The following GOSR1 variants were observed in gnomAD, a reference collection of about 807,000 sequenced individuals.
The protein encoded by GOSR1 is golgi SNAP receptor complex member 1.
A neutral mutation model predicts 35.5 loss-of-function variants in GOSR1; 21 were observed. That is an observed-to-expected ratio of 0.59 (90% CI 0.42 to 0.85). The LOEUF (loss-of-function observed/expected upper bound fraction) is 0.85, where lower values mean the gene tolerates loss of function less well. Among genes scored for constraint, GOSR1 ranks in the 40% least tolerant of loss-of-function variants. The pLI is 0.00. For synonymous variants in GOSR1, 94 were observed against 106.6 expected, an observed-to-expected ratio of 0.88 and a Z score of 0.73; for missense variants, 285 against 309.6, an observed-to-expected ratio of 0.92 and a Z score of 0.60.
At chr17:30,487,175 A>G (rs1254184046) in intron 4 of GOSR1, among the ~76,000 whole-genome samples, 2 of 152,222 alleles carry the variant, frequency 1.3e-5, no homozygotes, top group African/African-American at 2.4e-5. Flanking sequence ...GGAAATTTTT[A>G]GTTTCTGATA....
chr17:30,486,552 G>C, intron 4 of GOSR1, among the ~76,000 whole-genome samples: 1 of 151,332 alleles, frequency 6.6e-6, no homozygotes, highest in Non-Finnish European at 1.5e-5. Context: ...ATATTGGAAA[G>C]GAAGAGGCAA....
intron 2 of GOSR1, chr17:30,483,144 T>TA (rs1555613019): frequency 6.7e-6 from 1 of 148,642 alleles, no homozygotes; most frequent in Non-Finnish European, 1.5e-5. Context: ...TTTTTTTTTT[T>TA]AACTTTCTGT....
chr17:30,506,330 C>T (rs1967401841), intron 6 of GOSR1, among the ~76,000 whole-genome samples: 1 of 152,200 alleles, frequency 6.6e-6, no homozygotes, highest in Non-Finnish European at 1.5e-5. Context: ...ATTAAAAGTG[C>T]CACTCCAGTG....
rs1177401017 is a variant in GOSR1 at position 30,525,665 on chromosome 17, G to T, written c.*3287G>T. On this transcript the variant is annotated 3_prime_UTR_variant, in exon 9 of 9. Coordinates refer to ENST00000451249, the MANE Select transcript of GOSR1 (RefSeq NM_001007025.2). ...TCTTTTTTACTGGTCTGATTCTTTT[G>T]TGCATTCATTAAAGCTGATTGTGTG... is the stretch of plus-strand genomic sequence containing the variant. The T allele has an allele frequency of 6.6e-6, 1 of 152,004 alleles. No homozygotes were observed. Among genetic ancestry groups the T allele is most frequent in the Non-Finnish European group, 1.5e-5 (1 of 67,996 alleles). The allele number at this position is 152,004 out of a possible 1,614,324, so 9.4% of individuals were successfully genotyped here.
intron 8 of GOSR1, 183 bp downstream of exon 8, chr17:30,520,204 A>G (rs763897033): frequency 3.1e-5 from 15 of 477,794 alleles, no homozygotes; most frequent in South Asian, 5.0e-5. Context: ...ACCATTCCTA[A>G]AAGACTGCAC....
intron 7 of GOSR1, among the ~76,000 whole-genome samples, chr17:30,516,188 C>G (rs868304674): frequency 3.4e-4 from 51 of 152,178 alleles, no homozygotes; most frequent in South Asian, 4.1e-4. Context: ...AAGAAAAAGT[C>G]AGCCGGGCGC....
chr17:30,498,104 T>C (rs914098443), intron 6 of GOSR1, among the ~76,000 whole-genome samples: 3 of 151,612 alleles, frequency 2.0e-5, no homozygotes, highest in African/African-American at 7.2e-5. Context: ...CTCTTATTAG[T>C]CATTAGTCTT....
chr17:30,493,178 G>A (rs1597773370), intron 6 of GOSR1, among the ~76,000 whole-genome samples: 1 of 151,826 alleles, frequency 6.6e-6, no homozygotes, highest in African/African-American at 2.4e-5. Context: ...TGTATTTTTG[G>A]TAAAGATGGA....
chr17:30,482,122 C>G (rs1393609987), intron 2 of GOSR1, among the ~76,000 whole-genome samples: 1 of 152,080 alleles, frequency 6.6e-6, no homozygotes, highest in Non-Finnish European at 1.5e-5. Context: ...CTTTCTCCCA[C>G]CCCATAATCC....
At chr17:30,498,283 T>C (rs550439105) in intron 6 of GOSR1, among the ~76,000 whole-genome samples, 1 of 152,214 alleles carries the variant, frequency 6.6e-6, no homozygotes, top group Admixed American at 6.5e-5. Flanking sequence ...TTGTTGAGCA[T>C]CTATGATGTG....
rs1335192756 is a variant in GOSR1, at chr17:30,527,569, G to A, written c.*5191G>A. The A allele has an allele frequency of 6.6e-6, 1 of 151,072 alleles. No individual in the cohort carries two copies. The highest frequency in any genetic ancestry group is 6.6e-5 in the Admixed American group (1 of 15,232). The allele number at this position is 151,072 out of a possible 1,614,324, so 9.4% of individuals were successfully genotyped here. A position where few individuals can be genotyped will look rare whatever the true frequency, so the allele number is the denominator to read the frequency against. ...CTCATAAGCATCTCAGCAAAGCCAGGGGTACAGGGCTCACCTGACATAAGA... is the reference window on the plus strand; with the variant it reads ...CTCATAAGCATCTCAGCAAAGCCAGAGGTACAGGGCTCACCTGACATAAGA... On this transcript the variant is annotated 3_prime_UTR_variant, in exon 9 of 9. Transcript: ENST00000451249.
chr17:30,498,751 C>T lies in GOSR1; in HGVS notation c.509+5998C>T, dbSNP rs186548605. Among the ~76,000 whole-genome samples, 20 of 152,262 alleles carry T rather than the reference C, an allele frequency of 1.3e-4. No homozygotes were observed. The East Asian group carries it at 3.7e-3, about 28-fold the overall frequency. On this transcript the variant is annotated intron_variant, in intron 6 of 8. Coordinates refer to ENST00000451249, the MANE Select transcript of GOSR1 (RefSeq NM_001007025.2). ...CCAGGTTATAGGTCTCACTCTGGCACCTGAAGAGGACACACTGGGCAAAAG... is the reference window on the plus strand; with the variant it reads ...CCAGGTTATAGGTCTCACTCTGGCATCTGAAGAGGACACACTGGGCAAAAG...
chr17:30,484,816 GTT>G (rs371433527), intron 4 of GOSR1, 46 bp downstream of exon 4: 462 of 814,498 alleles, frequency 5.7e-4, no homozygotes, highest in Non-Finnish European at 6.4e-4. Context: ...AGGAGTTTGG[GTT>G]TTTTTTTTTT....
At chr17:30,499,591 T>C (rs1277007248) in intron 6 of GOSR1, among the ~76,000 whole-genome samples, 2 of 152,248 alleles carry the variant, frequency 1.3e-5, no homozygotes, top group Non-Finnish European at 2.9e-5. Flanking sequence ...TCCACCCGCC[T>C]TGGCCTCCCA....
chr17:30,488,808 G>A (rs1163464875), intron 4 of GOSR1, among the ~76,000 whole-genome samples: 2 of 152,102 alleles, frequency 1.3e-5, no homozygotes, highest in Non-Finnish European at 2.9e-5. Flanking sequence ...AAAGTGCTGG[G>A]ATTACAGGCA....
rs758404251 is a variant in GOSR1 at position 30,492,792 on chromosome 17, G to A, written c.509+39G>A. ...GTATGTGCATTATGTGGTTTTCCAC[G>A]TTTATTAATTCATTTACTTATGTAA... On this transcript the variant is annotated intron_variant, in intron 6 of 8. Coordinates refer to ENST00000451249, the MANE Select transcript of GOSR1 (RefSeq NM_001007025.2). 3.1e-5 allele frequency: 36 copies of A among 1,170,690 alleles called. 1 individual carries two copies. Among genetic ancestry groups the A allele is most frequent in the South Asian group, 2.8e-4 (23 of 80,930 alleles). The allele number at this position is 1,170,690 out of a possible 1,614,324, so 72.5% of individuals were successfully genotyped here.
chr17:30,510,270 C>T (rs1311053142), intron 6 of GOSR1, among the ~76,000 whole-genome samples: 2 of 152,118 alleles, frequency 1.3e-5, no homozygotes, highest in Non-Finnish European at 2.9e-5. Context: ...GACAGAGTTT[C>T]GCCATGTTGG....
chr17:30,493,195 C>T (rs1915155755), intron 6 of GOSR1, among the ~76,000 whole-genome samples: 1 of 152,046 alleles, frequency 6.6e-6, no homozygotes, highest in South Asian at 2.1e-4. Flanking sequence ...TGGAGTTTCG[C>T]CATGTAGCCA....
intron 5 of GOSR1, chr17:30,490,468 C>T (rs370251823): frequency 1.5e-4 from 50 of 322,932 alleles, no homozygotes; most frequent in African/African-American, 8.6e-4. Flanking sequence ...AATTCAAAGT[C>T]CAGCTTAGGT....
Sources: gnomAD v4.1 joint callset for allele counts (sites outside exome capture counted in the v4.1 genomes callset) on GRCh38, gnomAD v4.1.1 for gene constraint, MANE v1.5 for transcripts, NCBI Gene and HGNC (gene_info 2026-07-23, HGNC 2026-07-21) for gene names.